DPH6: variants seen among roughly 807,000 people sequenced by gnomAD.
DPH6 encodes diphthine--ammonia ligase.
In DPH6, 33 loss-of-function variants were observed where a neutral mutation model predicts 38.2. The observed-to-expected ratio is 0.86, with a 90% CI of 0.65 to 1.15. The LOEUF (loss-of-function observed/expected upper bound fraction) is 1.15. DPH6 is among the 50% of genes most tolerant of loss of function. DPH6 has a pLI of 0.00. For missense variants in DPH6, 325 were observed against 320.0 expected, an observed-to-expected ratio of 1.02 and a Z score of -0.12; for synonymous variants, 108 against 103.0, an observed-to-expected ratio of 1.05 and a Z score of -0.30.
At chr15:35,235,553 GA>G (rs1486425257) in intron 3 of DPH6, among the ~76,000 whole-genome samples, 4 of 152,202 alleles carry the variant, frequency 2.6e-5, no homozygotes, top group Non-Finnish European at 5.9e-5. Context: ...ATGCAATTAT[GA>G]AAGTATTCAA....
intron 3 of DPH6, among the ~76,000 whole-genome samples, chr15:35,355,046 T>C (rs1304156731): frequency 1.3e-5 from 2 of 152,154 alleles, no homozygotes; most frequent in African/African-American, 4.8e-5. Flanking sequence ...GTAATGGCCT[T>C]CTTTGTCTCT....
At chr15:35,368,527 G>A (rs2052681593), downstream of DPH6, among the ~76,000 whole-genome samples, 1 of 151,938 alleles carries the variant, frequency 6.6e-6, no homozygotes, top group South Asian at 2.1e-4. Context: ...GAATATGAAA[G>A]CAAGGATTCG....
chr15:35,273,398 G>C lies in DPH6; in HGVS notation n.201-52816C>G, dbSNP rs986483254. 3.3e-5 allele frequency among the ~76,000 whole-genome samples: 5 copies of C among 152,152 alleles called. 1 individual carries two copies. The highest frequency in any genetic ancestry group is 1.2e-4 in the African/African-American group (5 of 41,430). On this transcript the variant is annotated intron_variant and non_coding_transcript_variant, in intron 3 of 3. Transcript: ENST00000560386. ...TAGCTTAGCTTCCACTTATCAGTGA[G>C]AAAATACGATGTTTGGTTTTCCATT...
At chr15:35,329,523 C>T (rs144070286), downstream of DPH6, among the ~76,000 whole-genome samples, 2 of 152,214 alleles carry the variant, frequency 1.3e-5, no homozygotes, top group East Asian at 1.9e-4. Context: ...TTAACTAAAT[C>T]AATTAACCTT....
rs781397234 is a variant in DPH6 at position 35,283,057 on chromosome 15, CCTT to C, written n.201-62478_201-62476del. On this transcript the variant is annotated intron_variant and non_coding_transcript_variant, in intron 3 of 3. Coordinates refer to the DPH6 transcript ENST00000560386. ...CTTCTTCTTCTTCTTCCTTCTTCTT[CCTT>C]CTTCTTCTTCCTCTTCTTCTTCTTC... 1.1e-3 allele frequency: 198 copies of C among 172,560 alleles called. 1 individual carries two copies. The highest frequency in any genetic ancestry group is 1.4e-3 in the Non-Finnish European group (117 of 81,468). 10.7% of individuals were successfully genotyped at this position (172,560 alleles called of 1,614,324 possible). A position where few individuals can be genotyped will look rare whatever the true frequency, so the allele number is the denominator to read the frequency against.
intron 3 of DPH6, among the ~76,000 whole-genome samples, chr15:35,282,172 T>C (rs1182193005): frequency 1.3e-5 from 2 of 152,140 alleles, no homozygotes; most frequent in Non-Finnish European, 2.9e-5. Flanking sequence ...CAAATAGTTT[T>C]TCTTTTTGTT....
intron 3 of DPH6, among the ~76,000 whole-genome samples, chr15:35,337,072 G>A (rs2052379076): frequency 6.6e-6 from 1 of 152,078 alleles, no homozygotes; most frequent in African/African-American, 2.4e-5. Flanking sequence ...AATCCATCTG[G>A]TCCTGGACTC....
the DPH6 span, among the ~76,000 whole-genome samples, chr15:35,146,280 C>G: frequency 1.3e-5 from 2 of 152,054 alleles, no homozygotes; most frequent in African/African-American, 4.8e-5. Flanking sequence ...AATTGCGGTT[C>G]TTAAAAGTAT....
intron 3 of DPH6, among the ~76,000 whole-genome samples, chr15:35,471,819 C>T (rs555615296): frequency 1.4e-4 from 21 of 148,806 alleles, no homozygotes; most frequent in African/African-American, 5.2e-4. Context: ...ATATACTTTA[C>T]ACATGTTATT....
the DPH6 span, among the ~76,000 whole-genome samples, chr15:35,153,829 T>C: frequency 6.6e-6 from 1 of 152,114 alleles, no homozygotes; most frequent in African/African-American, 2.4e-5. Flanking sequence ...ACATGAATGC[T>C]TGAGGTAGGG....
rs112259095 is a variant in DPH6 at position 35,349,986 on chromosome 15, G to A, written n.208-18909C>T. Among the ~76,000 whole-genome samples the A allele has an allele frequency of 3.4e-3, 514 of 152,198 alleles. 2 individuals are homozygous for A. The highest frequency in any genetic ancestry group is 0.011 in the African/African-American group (476 of 41,522). On this transcript the variant is annotated intron_variant and non_coding_transcript_variant, in intron 3 of 3. Transcript: ENST00000558973. ...CTGGACTTCTGAAATGAATTTGGAG[G>A]TTTGTTCTAAATTTTTTGCAAGAGT...
the DPH6 span, among the ~76,000 whole-genome samples, chr15:35,206,241 T>TTTGGA: frequency 1.5e-4 from 23 of 152,270 alleles, no homozygotes; most frequent in Non-Finnish European, 3.2e-4. Flanking sequence ...TGCCAAACAT[T>TTTGGA]TTGGAGGCTG....
At chr15:35,149,383 A>T in the DPH6 span, among the ~76,000 whole-genome samples, 1 of 151,982 alleles carries the variant, frequency 6.6e-6, no homozygotes, top group Non-Finnish European at 1.5e-5. Context: ...GATTACAGGC[A>T]CCCACTACTA....
At chr15:35,173,299 T>C in the DPH6 span, among the ~76,000 whole-genome samples, 1 of 152,234 alleles carries the variant, frequency 6.6e-6, no homozygotes, top group East Asian at 1.9e-4. Context: ...TTGTCTCTTT[T>C]GTCTTACTTA....
chr15:35,193,521 A>G, the DPH6 span, among the ~76,000 whole-genome samples: 3 of 152,136 alleles, frequency 2.0e-5, no homozygotes, highest in Admixed American at 2.0e-4. Context: ...CTAGATGCTC[A>G]TGGCAGTTGT....
At chr15:35,500,201 G>C (rs2054608418) in intron 3 of DPH6, among the ~76,000 whole-genome samples, 1 of 152,066 alleles carries the variant, frequency 6.6e-6, no homozygotes, top group African/African-American at 2.4e-5. Context: ...AATATTGATA[G>C]GATCTCACTT....
chr15:35,257,215 T>C (rs1361485766), intron 3 of DPH6, among the ~76,000 whole-genome samples: 1 of 152,132 alleles, frequency 6.6e-6, no homozygotes, highest in Admixed American at 6.5e-5. Context: ...GGTACTAGTT[T>C]TTTGTGTTTA....
chr15:35,234,920 G>T (rs1337177494), intron 3 of DPH6, among the ~76,000 whole-genome samples: 1 of 152,222 alleles, frequency 6.6e-6, no homozygotes, highest in Non-Finnish European at 1.5e-5. Flanking sequence ...AAGTAGAATT[G>T]AGAGATAAAA....
At chr15:35,165,710 G>A in the DPH6 span, among the ~76,000 whole-genome samples, 5 of 151,860 alleles carry the variant, frequency 3.3e-5, no homozygotes, top group Admixed American at 3.3e-4. Flanking sequence ...CCTTTAATTA[G>A]TTTAAACATG....
Sources: allele counts gnomAD v4.1 joint callset (sites outside exome capture counted in the v4.1 genomes callset), GRCh38; gene constraint gnomAD v4.1.1; transcripts MANE v1.5; gene names NCBI Gene and HGNC (gene_info 2026-07-23, HGNC 2026-07-21).